The following JMJD1C variants were observed in gnomAD, a reference collection of about 807,000 sequenced individuals.
JMJD1C encodes jumonji domain containing 1C.
A neutral mutation model predicts 245.3 loss-of-function variants in JMJD1C; 31 were observed. The observed-to-expected ratio is 0.13, with a 90% CI of 0.09 to 0.17. The LOEUF is 0.17. JMJD1C is among the 10% of genes least tolerant of loss of function. JMJD1C has a pLI of 1.00. For missense variants in JMJD1C, 2,691 were observed against 3,000.2 expected (o/e 0.90, Z 2.41); for synonymous variants, 1,057 against 1,017.4 (o/e 1.04, Z -0.74).
At chr10:63,190,472 G>GT (rs1379673299) in intron 17 of JMJD1C, among the ~76,000 whole-genome samples, 1 of 152,224 alleles carries the variant, frequency 6.6e-6, no homozygotes, top group Non-Finnish European at 1.5e-5. Flanking sequence ...AAAGTGCTGG[G>GT]ATTACAGGTG....
rs747979653 is a variant in JMJD1C, at chr10:63,193,110, C to T, written c.5904G>A (p.Leu1968=). The change falls in exon 16 of 26, where the codon CTG becomes CTA. Residue 1968 remains leucine, a synonymous_variant. Transcript: ENST00000399262. Reference sequence around the variant, plus strand: ...TTTGCTGCTGAGACTCAGGCATGCACAGAGAAATTTTATTACTGTGATTAA... The same window carrying T: ...TTTGCTGCTGAGACTCAGGCATGCATAGAGAAATTTTATTACTGTGATTAA... The part of the protein sequence containing the change: ...NVLNHSNKIS[L]CMPESQQQNT... 1 of 1,613,958 alleles carries T rather than the reference C, an allele frequency of 6.2e-7. No individual in the cohort carries two copies. The highest frequency in any genetic ancestry group is 8.5e-7 in the Non-Finnish European group (1 of 1,179,998).
In JMJD1C at chr10:63,202,190, G is replaced by A. The variant is rs910851323; in HGVS notation, c.5075-1513C>T. ...AACTGCTTGATCCCAGGGGGCGGAA[G>A]TTGCAGTGGGGTGAGATCGTGCCAC... On this transcript the variant is annotated intron_variant, in intron 10 of 25. Transcript: ENST00000399262. 55 of 516,594 alleles carry A rather than the reference G, an allele frequency of 1.1e-4. No homozygotes were observed. The Admixed American group carries it at 1.6e-3, about 15-fold the overall frequency. The allele number at this position is 516,594 out of a possible 1,614,324, so 32.0% of individuals were successfully genotyped here. A position where few individuals can be genotyped will look rare whatever the true frequency, so the allele number is the denominator to read the frequency against.
chr10:63,451,773 A>G (rs1262125261), intron 1 of JMJD1C, among the ~76,000 whole-genome samples: 4 of 152,236 alleles, frequency 2.6e-5, no homozygotes, highest in African/African-American at 7.2e-5. Context: ...GACAGAGACC[A>G]GAGATAAACC....
intron 24 of JMJD1C, among the ~76,000 whole-genome samples, chr10:63,172,785 C>A (rs1394663062): frequency 1.3e-5 from 2 of 149,882 alleles, no homozygotes; most frequent in African/African-American, 4.9e-5. Context: ...AAAAACGATT[C>A]CAAGCAAAAA....
intron 2 of JMJD1C, among the ~76,000 whole-genome samples, chr10:63,337,530 G>C (rs550234494): frequency 2.5e-5 from 2 of 80,326 alleles, no homozygotes; most frequent in Non-Finnish European, 4.8e-5. Flanking sequence ...GAGGGGAAGG[G>C]AGGGGAGGGG....
At chr10:63,186,461 CAG>C (rs1343363256) in intron 18 of JMJD1C, 78 bp from the exon 19 acceptor site, 2 of 1,211,296 alleles carry the variant, frequency 1.7e-6, no homozygotes, top group Non-Finnish European at 2.3e-6. Context: ...TTGTTTGAGA[CAG>C]AGTCTTGCTC....
intron 1 of JMJD1C, among the ~76,000 whole-genome samples, chr10:63,411,730 G>A (rs990659930): frequency 6.6e-6 from 1 of 151,082 alleles, no homozygotes. Flanking sequence ...AGCCTCCTAA[G>A]TAGCTGGGAC....
At position 63,214,964 on chromosome 10, in the gene JMJD1C, C is replaced by G; in HGVS notation, c.1203G>C (p.Leu401Phe). 1 of 1,599,174 alleles carries G rather than the reference C, an allele frequency of 6.3e-7. No homozygotes were observed. Among genetic ancestry groups the G allele is most frequent in the Non-Finnish European group, 8.5e-7 (1 of 1,173,050 alleles). ...NSSEQKPENE[L>F]KNKNTSKING... ...TTATTTTTGAAGTATTTTTATTTTT[C>G]AATTCATTCTCTGGCTTCTGTTCTG... Residue 401 changes from leucine to phenylalanine, a missense_variant, in exon 8 of 26, where the codon TTG becomes TTC. Physicochemically the swap from Leu to Phe is conservative, Grantham distance 22. Coordinates refer to ENST00000399262, the MANE Select transcript of JMJD1C (RefSeq NM_032776.3).
intron 3 of JMJD1C, among the ~76,000 whole-genome samples, chr10:63,260,252 A>T (rs1681590727): frequency 6.6e-6 from 1 of 152,238 alleles, no homozygotes; most frequent in Non-Finnish European, 1.5e-5. Flanking sequence ...GCAAAGAGGA[A>T]TGTGATGCCT....
intron 1 of JMJD1C, among the ~76,000 whole-genome samples, chr10:63,400,271 C>T (rs1564880064): frequency 6.6e-6 from 1 of 152,090 alleles, no homozygotes; most frequent in Non-Finnish European, 1.5e-5. Context: ...AGGCATACTC[C>T]TAAGGTAGGA....
intron 1 of JMJD1C, among the ~76,000 whole-genome samples, chr10:63,408,482 C>T (rs956008386): frequency 3.3e-5 from 5 of 151,578 alleles, no homozygotes; most frequent in African/African-American, 4.8e-5. Flanking sequence ...AAGAAAAGAT[C>T]CCACAAGTTT....
At chr10:63,416,703 T>C (rs762726655) in intron 1 of JMJD1C, among the ~76,000 whole-genome samples, 2 of 152,176 alleles carry the variant, frequency 1.3e-5, no homozygotes, top group Non-Finnish European at 2.9e-5. Context: ...TAATGAAATA[T>C]AACTTAGCTT....
At chr10:63,441,994 G>C (rs571260696) in intron 1 of JMJD1C, among the ~76,000 whole-genome samples, 1 of 152,282 alleles carries the variant, frequency 6.6e-6, no homozygotes, top group East Asian at 1.9e-4. Flanking sequence ...CCTGTTATTT[G>C]TAAAGCACTG....
intron 22 of JMJD1C, among the ~76,000 whole-genome samples, chr10:63,180,777 T>G (rs1843376827): frequency 1.3e-5 from 2 of 151,526 alleles, no homozygotes; most frequent in South Asian, 4.2e-4. Flanking sequence ...TAATTTTTTT[T>G]TTTTTTTTTG....
chr10:63,301,235 G>A (rs1860036309), intron 2 of JMJD1C, among the ~76,000 whole-genome samples: 1 of 152,126 alleles, frequency 6.6e-6, no homozygotes, highest in Non-Finnish European at 1.5e-5. Flanking sequence ...GACTGGTCTT[G>A]AACTCCTGGC....
In JMJD1C at chr10:63,351,955, A is replaced by T. The variant is rs551555628; in HGVS notation, c.333+28363T>A. Among the ~76,000 whole-genome samples, 4 of 152,324 alleles carry T rather than the reference A, an allele frequency of 2.6e-5. No homozygotes were observed. In the South Asian group the frequency reaches 8.3e-4, roughly 32 times the overall value. ...CAGATATACAGCAGACACAACAGCA[A>T]ATCCTCTCTAGAGAAACCTACCTCC... On this transcript the variant is annotated intron_variant, in intron 2 of 25. Transcript: ENST00000399262.
At chr10:63,466,284 G>C (rs1294103957), upstream of JMJD1C, 1 of 155,000 alleles carries the variant, frequency 6.5e-6, no homozygotes, top group Non-Finnish European at 1.4e-5. Context: ...GAAGTGTAGT[G>C]GTTCCACTCT....
chr10:63,219,751 G>T, intron 4 of JMJD1C, 127 bp downstream of exon 4: 1 of 549,238 alleles, frequency 1.8e-6, no homozygotes, highest in Non-Finnish European at 3.3e-6. Context: ...TATTTTCCTG[G>T]ATGTATATAA....
At chr10:63,232,183 T>G (rs1383505395) in intron 3 of JMJD1C, among the ~76,000 whole-genome samples, 6 of 151,448 alleles carry the variant, frequency 4.0e-5, no homozygotes, top group African/African-American at 1.2e-4. Flanking sequence ...CTTCTAAAGT[T>G]TTTTTTTTGT....
Sources: allele counts gnomAD v4.1 joint callset (sites outside exome capture counted in the v4.1 genomes callset), GRCh38; gene constraint gnomAD v4.1.1; transcripts MANE v1.5; gene names NCBI Gene and HGNC (gene_info 2026-07-23, HGNC 2026-07-21).